The following TNFRSF21 variants were observed in gnomAD, a reference collection of about 807,000 sequenced individuals.
The protein encoded by TNFRSF21 is tumor necrosis factor receptor superfamily member 21.
TNFRSF21 carries 19 observed loss-of-function variants against 45.6 expected under a neutral mutation model. That is an observed-to-expected ratio of 0.42 (90% CI 0.29 to 0.61). The LOEUF is 0.61. Ranked by LOEUF, TNFRSF21 falls within the 20% of genes least tolerant of loss-of-function variation. TNFRSF21 has a pLI of 0.23. For missense variants in TNFRSF21, 737 were observed against 851.5 expected (o/e 0.87, Z 1.67); for synonymous variants, 314 against 335.5 (o/e 0.94, Z 0.70).
chr6:47,245,689 G>C (rs1021507830), intron 4 of TNFRSF21, among the ~76,000 whole-genome samples: 25 of 151,784 alleles, frequency 1.6e-4, no homozygotes, highest in African/African-American at 5.8e-4. Flanking sequence ...TAATGACAAT[G>C]GTATATCTTA....
In TNFRSF21 at chr6:47,309,815, G is replaced by T; in HGVS notation, c.-304C>A. 1 of 318,396 alleles carries T rather than the reference G, an allele frequency of 3.1e-6. No homozygotes were observed. Among genetic ancestry groups the T allele is most frequent in the East Asian group, 5.0e-5 (1 of 19,922 alleles). The allele number at this position is 318,396 out of a possible 1,614,324, so 19.7% of individuals were successfully genotyped here. On this transcript the variant is annotated 5_prime_UTR_variant, in exon 1 of 6. Transcript: ENST00000296861. ...GGAGAACCAGGGAGGAGGACTGGGC[G>T]CGAGAGAGCAAAGGAACGACTTCCC...
intron 3 of TNFRSF21, among the ~76,000 whole-genome samples, chr6:47,261,562 A>G (rs1197729487): frequency 1.3e-5 from 2 of 152,174 alleles, no homozygotes; most frequent in Non-Finnish European, 2.9e-5. Context: ...TAATAATGAG[A>G]AGAAAGGACA....
chr6:47,257,961 A>G (rs1488363199), intron 3 of TNFRSF21, among the ~76,000 whole-genome samples: 1 of 152,150 alleles, frequency 6.6e-6, no homozygotes, highest in Non-Finnish European at 1.5e-5. Context: ...GAACATTATT[A>G]TTTGCTGGAA....
Position 47,232,824 on chromosome 6 carries a change from G to C in TNFRSF21, c.1909C>G (p.Gln637Glu). Residue 637 changes from glutamine (Q) to glutamate (E), a missense_variant, in exon 6 of 6, where the codon CAG becomes GAG. Gln to Glu is a conservative substitution (Grantham distance 29). Coordinates refer to ENST00000296861, the MANE Select transcript of TNFRSF21 (RefSeq NM_014452.5). ...RLFEIIGVKS[Q>E]EASQTLLDSV... ...TCCAGGAGGGTCTGGCTGGCTTCCT[G>C]GCTCTTGACTCCAATAATTTCGAAT... 6.2e-7 allele frequency: 1 copy of C among 1,614,154 alleles called. No homozygotes were observed. Among genetic ancestry groups the C allele is most frequent in the South Asian group, 1.1e-5 (1 of 91,080 alleles).
chr6:47,296,877 C>T (rs958282363), intron 1 of TNFRSF21, among the ~76,000 whole-genome samples: 2 of 152,186 alleles, frequency 1.3e-5, no homozygotes, highest in Non-Finnish European at 2.9e-5. Context: ...GTAGTCCCAG[C>T]TACTCAGGAG....
intron 3 of TNFRSF21, among the ~76,000 whole-genome samples, chr6:47,277,352 T>C (rs1762513831): frequency 6.6e-6 from 1 of 152,228 alleles, no homozygotes; most frequent in African/African-American, 2.4e-5. Flanking sequence ...TTCTGTGACT[T>C]AATCGGGAAA....
At chr6:47,263,593 G>A (rs1293612275) in intron 3 of TNFRSF21, among the ~76,000 whole-genome samples, 1 of 152,136 alleles carries the variant, frequency 6.6e-6, no homozygotes, top group African/African-American at 2.4e-5. Flanking sequence ...TGGAGGCAAA[G>A]GGAAGAAAGT....
At position 47,285,996 on chromosome 6, in the gene TNFRSF21, G is replaced by A. The variant is rs1762640910; in HGVS notation, c.696C>T (p.Arg232=). The change falls in exon 2 of 6, where the codon CGC becomes CGT. Residue 232 remains arginine (R), a synonymous_variant. Transcript: ENST00000296861. ...SPSPGTAIFP[R]PEHMETHEVP... The stretch of plus-strand genomic sequence containing the variant: ...CTTCATGGGTTTCCATGTGCTCAGG[G>A]CGTGGAAAGATGGCTGTGCCAGGGG... 1 of 1,614,080 alleles carries A rather than the reference G, an allele frequency of 6.2e-7. No individual in the cohort carries two copies. The highest frequency in any genetic ancestry group is 8.5e-7 in the Non-Finnish European group (1 of 1,180,040).
rs549200952 is a variant in TNFRSF21 at position 47,309,631 on chromosome 6, A to G, written c.-120T>C. 6.9e-6 allele frequency: 9 copies of G among 1,301,258 alleles called. No homozygotes were observed. The Admixed American group carries it at 3.6e-4, about 52-fold the overall frequency. 80.6% of individuals were successfully genotyped at this position (1,301,258 alleles called of 1,614,324 possible). Reference sequence around the variant, plus strand: ...CGGGCCGGGAGCCCATCTACCTCCAACACCCCATGTGCACTGCTGCGGCCG... The same window carrying G: ...CGGGCCGGGAGCCCATCTACCTCCAGCACCCCATGTGCACTGCTGCGGCCG... On this transcript the variant is annotated 5_prime_UTR_variant, in exon 1 of 6. Coordinates refer to ENST00000296861, the MANE Select transcript of TNFRSF21 (RefSeq NM_014452.5).
rs778429601 is a variant in TNFRSF21, at chr6:47,284,265, G to C, written c.916C>G (p.His306Asp). ...GGCAGCAGCTTCAGGATGTGTCTGTGGTGGGGGCCTTGCTGGTGGTTGACT... is the reference window on the plus strand; with the variant it reads ...GGCAGCAGCTTCAGGATGTGTCTGTCGTGGGGGCCTTGCTGGTGGTTGACT... Reference protein sequence around the residue: ...QVVNHQQGPHHRHILKLLPSM... With the variant: ...QVVNHQQGPHDRHILKLLPSM... The change falls in exon 3 of 6, where the codon CAC becomes GAC. Residue 306 changes from histidine to aspartate, a missense_variant. Transcript: ENST00000296861. 1.2e-6 allele frequency: 2 copies of C among 1,612,874 alleles called. No individual in the cohort carries two copies. The highest frequency in any genetic ancestry group is 2.2e-5 in the South Asian group (2 of 90,892).
At chr6:47,286,745 C>T in intron 1 of TNFRSF21, 150 bp from the exon 2 acceptor site, 1 of 813,670 alleles carries the variant, frequency 1.2e-6, no homozygotes, top group Non-Finnish European at 1.9e-6. Flanking sequence ...CAGCATGCTG[C>T]AACACAGTAG....
At chr6:47,290,333 C>G (rs181751063) in intron 1 of TNFRSF21, among the ~76,000 whole-genome samples, 21 of 152,242 alleles carry the variant, frequency 1.4e-4, no homozygotes, top group African/African-American at 4.6e-4. Context: ...GACACACCCA[C>G]ACACACACTC....
intron 3 of TNFRSF21, among the ~76,000 whole-genome samples, chr6:47,260,691 T>C (rs1484672523): frequency 6.6e-6 from 1 of 152,174 alleles, no homozygotes; most frequent in Non-Finnish European, 1.5e-5. Context: ...GGATGAGGTA[T>C]AAAGGACAGT....
chr6:47,299,995 G>A (rs1405917252), intron 1 of TNFRSF21, among the ~76,000 whole-genome samples: 1 of 152,142 alleles, frequency 6.6e-6, no homozygotes, highest in African/African-American at 2.4e-5. Flanking sequence ...CAACCAAAAA[G>A]GAAAAAGAGC....
At chr6:47,250,542 G>A (rs557227462) in intron 4 of TNFRSF21, among the ~76,000 whole-genome samples, 2 of 152,248 alleles carry the variant, frequency 1.3e-5, no homozygotes, top group South Asian at 2.1e-4. Flanking sequence ...GCCACACCAG[G>A]GCTAATCCTT....
At chr6:47,282,012 T>C (rs1426525544) in intron 3 of TNFRSF21, among the ~76,000 whole-genome samples, 1 of 152,072 alleles carries the variant, frequency 6.6e-6, no homozygotes, top group Non-Finnish European at 1.5e-5. Context: ...TCCAATCTTT[T>C]GGCTTCCCTG....
chr6:47,282,384 C>CAAAAAAAAAAAAAAAAAAAAAAAAAAAA (rs1419235376), intron 3 of TNFRSF21, among the ~76,000 whole-genome samples: 1 of 86,752 alleles, frequency 1.2e-5, no homozygotes, highest in African/African-American at 4.5e-5. Context: ...AATTCTGTCT[C>CAAAAAAAAAAAAAAAAAAAAAAAAAAAA]AAAAAAAAAA....
intron 1 of TNFRSF21, among the ~76,000 whole-genome samples, chr6:47,303,352 T>C (rs1053418966): frequency 3.9e-5 from 6 of 152,176 alleles, no homozygotes; most frequent in Non-Finnish European, 8.8e-5. Flanking sequence ...CACAAAGTCT[T>C]AGGCATAATT....
At chr6:47,252,915 G>A (rs1764920586) in intron 4 of TNFRSF21, among the ~76,000 whole-genome samples, 1 of 152,188 alleles carries the variant, frequency 6.6e-6, no homozygotes, top group African/African-American at 2.4e-5. Context: ...TGTTCAAAGT[G>A]TGTCATGCAA....
Sources: gnomAD v4.1 joint callset for allele counts (sites outside exome capture counted in the v4.1 genomes callset) on GRCh38, gnomAD v4.1.1 for gene constraint, MANE v1.5 for transcripts, NCBI Gene and HGNC (gene_info 2026-07-23, HGNC 2026-07-21) for gene names.